HCRTR2: variants seen among roughly 807,000 people sequenced by gnomAD.
HCRTR2 encodes orexin receptor type 2.
HCRTR2 carries 22 observed loss-of-function variants against 49.0 expected under a neutral mutation model. The observed-to-expected ratio is 0.45, with a 90% CI of 0.32 to 0.64. HCRTR2 has a LOEUF of 0.64. Among genes scored for constraint, HCRTR2 ranks in the 30% least tolerant of loss-of-function variants. HCRTR2 has a pLI of 0.04. For missense variants in HCRTR2, 491 were observed against 559.4 expected, an observed-to-expected ratio of 0.88 and a Z score of 1.23; for synonymous variants, 236 against 205.3, an observed-to-expected ratio of 1.15 and a Z score of -1.28.
intron 1 of HCRTR2, among the ~76,000 whole-genome samples, chr6:55,221,492 C>T (rs1289161467): frequency 6.6e-6 from 1 of 152,056 alleles, no homozygotes; most frequent in Non-Finnish European, 1.5e-5. Flanking sequence ...AGACCCTACT[C>T]AAAAAATCAA....
intron 1 of HCRTR2, among the ~76,000 whole-genome samples, chr6:55,231,783 A>G (rs1766119480): frequency 6.6e-6 from 1 of 152,212 alleles, no homozygotes; most frequent in Non-Finnish European, 1.5e-5. Flanking sequence ...CTTCCATTTA[A>G]TAAATGCTGT....
At chr6:55,162,423 G>A (rs1764819421) in intron 1 of HCRTR2, among the ~76,000 whole-genome samples, 1 of 152,116 alleles carries the variant, frequency 6.6e-6, no homozygotes, top group East Asian at 1.9e-4. Context: ...TTTAAAAACT[G>A]GCACAAGACA....
intron 1 of HCRTR2, among the ~76,000 whole-genome samples, chr6:55,197,868 G>C (rs1435016212): frequency 6.6e-6 from 1 of 152,066 alleles, no homozygotes; most frequent in Non-Finnish European, 1.5e-5. Context: ...TGATCTGCCT[G>C]CCTCGGCCTC....
chr6:55,136,553 A>C (rs950574486), intron 1 of HCRTR2, among the ~76,000 whole-genome samples: 1 of 152,184 alleles, frequency 6.6e-6, no homozygotes, highest in Non-Finnish European at 1.5e-5. Flanking sequence ...TACACTGTGT[A>C]ATTTGATTTT....
intron 1 of HCRTR2, among the ~76,000 whole-genome samples, chr6:55,248,375 T>A (rs1481066708): frequency 6.6e-6 from 1 of 152,102 alleles, no homozygotes; most frequent in African/African-American, 2.4e-5. Context: ...TTTTAAAACA[T>A]CTGGCATTTG....
intron 1 of HCRTR2, among the ~76,000 whole-genome samples, chr6:55,230,122 T>C (rs1766086421): frequency 6.6e-6 from 1 of 152,136 alleles, no homozygotes; most frequent in African/African-American, 2.4e-5. Flanking sequence ...GCTGAGATAA[T>C]TGAGAATGAG....
At chr6:55,263,296 C>CA (rs890094647) in intron 3 of HCRTR2, among the ~76,000 whole-genome samples, 2 of 151,968 alleles carry the variant, frequency 1.3e-5, no homozygotes, top group African/African-American at 4.8e-5. Flanking sequence ...CCATTTTAAC[C>CA]AAAGCATTAG....
At position 55,179,895 on chromosome 6, in the gene HCRTR2, CTGA is replaced by C. The variant is rs376209874; in HGVS notation, c.223+5088_223+5090del. On this transcript the variant is annotated intron_variant, in intron 1 of 6. Coordinates refer to ENST00000370862, the MANE Select transcript of HCRTR2 (RefSeq NM_001384272.1). Reference sequence around the variant, plus strand: ...TCACTCCGCTCCGAAACATCCACTGCTGATGTTATTTAACTAGTGAAAGAAGAT... The same window carrying C: ...TCACTCCGCTCCGAAACATCCACTGCTGTTATTTAACTAGTGAAAGAAGAT... Among the ~76,000 whole-genome samples the C allele has an allele frequency of 4.6e-3, 695 of 152,306 alleles. 1 individual carries two copies. The highest frequency in any genetic ancestry group is 0.015 in the African/African-American group (638 of 41,572).
chr6:55,280,146 G>A (rs1376135909), intron 5 of HCRTR2, among the ~76,000 whole-genome samples, 177 bp from the exon 6 acceptor site: 1 of 152,108 alleles, frequency 6.6e-6, no homozygotes, highest in Non-Finnish European at 1.5e-5. Context: ...ATTGTGCTGT[G>A]GAGGTTCTGT....
At chr6:55,256,947 G>C (rs1291210822) in intron 3 of HCRTR2, among the ~76,000 whole-genome samples, 1 of 152,116 alleles carries the variant, frequency 6.6e-6, no homozygotes, top group African/African-American at 2.4e-5. Flanking sequence ...GAACACAAAT[G>C]AGAGAACAAA....
chr6:55,212,747 TC>T (rs1366889900), intron 1 of HCRTR2, among the ~76,000 whole-genome samples: 2 of 152,192 alleles, frequency 1.3e-5, no homozygotes, highest in African/African-American at 2.4e-5. Flanking sequence ...TTATCTGGAT[TC>T]TTAAATAACT....
chr6:55,221,699 A>G (rs113972853), intron 1 of HCRTR2, among the ~76,000 whole-genome samples: 4,197 of 151,722 alleles, frequency 0.028, 82 homozygotes, highest in Non-Finnish European at 0.039. Context: ...TGTAGTCCCA[A>G]CTACTCAGGA....
chr6:55,123,157 T>G (rs1182959749), intron 1 of HCRTR2, among the ~76,000 whole-genome samples: 1 of 151,224 alleles, frequency 6.6e-6, no homozygotes, highest in African/African-American at 2.4e-5. Flanking sequence ...AAATAAAAAT[T>G]AAAAGTTAAA....
intron 1 of HCRTR2, among the ~76,000 whole-genome samples, chr6:55,108,371 C>A (rs577977079): frequency 2.6e-5 from 4 of 152,002 alleles, no homozygotes; most frequent in African/African-American, 9.7e-5. Context: ...TTCACAGACC[C>A]TTTGAAAGAA....
chr6:55,209,773 T>A (rs1248003133), intron 1 of HCRTR2, among the ~76,000 whole-genome samples: 6 of 152,210 alleles, frequency 3.9e-5, no homozygotes, highest in Non-Finnish European at 8.8e-5. Flanking sequence ...GCTTAGATTT[T>A]TTTTTCATTA....
At chr6:55,266,349 C>T (rs1224677685) in intron 4 of HCRTR2, among the ~76,000 whole-genome samples, 2 of 152,146 alleles carry the variant, frequency 1.3e-5, no homozygotes, top group African/African-American at 2.4e-5. Context: ...ATGCTCAGCA[C>T]ACATCAGTTG....
intron 1 of HCRTR2, among the ~76,000 whole-genome samples, chr6:55,131,603 C>A (rs116718713): frequency 6.6e-6 from 1 of 151,328 alleles, no homozygotes; most frequent in Non-Finnish European, 1.5e-5. Context: ...TTTAACATTT[C>A]GACAAGCAAA....
intron 1 of HCRTR2, among the ~76,000 whole-genome samples, chr6:55,118,781 A>G (rs1764155023): frequency 6.6e-6 from 1 of 150,454 alleles, no homozygotes; most frequent in African/African-American, 2.4e-5. Flanking sequence ...TTATTTATTT[A>G]TTTATTTATT....
intron 1 of HCRTR2, among the ~76,000 whole-genome samples, chr6:55,216,721 T>C (rs1011509568): frequency 1.7e-4 from 26 of 152,198 alleles, no homozygotes; most frequent in African/African-American, 6.3e-4. Context: ...AGATTGGAAT[T>C]GCTCATTGGT....
Sources: allele counts gnomAD v4.1 joint callset (sites outside exome capture counted in the v4.1 genomes callset), GRCh38; gene constraint gnomAD v4.1.1; transcripts MANE v1.5; gene names NCBI Gene and HGNC (gene_info 2026-07-23, HGNC 2026-07-21).